Variants in NRXN1 observed in about 807,000 individuals in gnomAD.
NRXN1 encodes the protein neurexin 1.
In NRXN1, 39 loss-of-function variants were observed where a neutral mutation model predicts 150.9. That is an observed-to-expected ratio of 0.26 (90% CI 0.20 to 0.34). NRXN1 has a LOEUF of 0.34. NRXN1 is among the 10% of genes least tolerant of loss of function. NRXN1 has a pLI of 1.00. For missense variants in NRXN1, 1,815 were observed against 1,949.9 expected, an observed-to-expected ratio of 0.93 and a Z score of 1.30; for synonymous variants, 924 against 757.0, an observed-to-expected ratio of 1.22 and a Z score of -3.62.
At chr2:50,713,037 G>A (rs1182639114) in intron 5 of NRXN1, among the ~76,000 whole-genome samples, 1 of 152,152 alleles carries the variant, frequency 6.6e-6, no homozygotes, top group Non-Finnish European at 1.5e-5. Flanking sequence ...AAATAGCTGA[G>A]TGTATTGGCT....
chr2:50,196,752 T>C (rs1424737433), intron 18 of NRXN1, among the ~76,000 whole-genome samples: 5 of 152,200 alleles, frequency 3.3e-5, no homozygotes, highest in African/African-American at 1.2e-4. Context: ...ATCATGTCTT[T>C]TGCAGGAATA....
At chr2:50,160,778 A>T (rs755755288) in intron 18 of NRXN1, among the ~76,000 whole-genome samples, 2 of 152,186 alleles carry the variant, frequency 1.3e-5, no homozygotes, top group Non-Finnish European at 2.9e-5. Flanking sequence ...CATTTGTTGC[A>T]ATAAAATAAG....
intron 21 of NRXN1, among the ~76,000 whole-genome samples, chr2:49,998,180 T>G (rs748737837): frequency 1.3e-5 from 2 of 152,076 alleles, no homozygotes; most frequent in Non-Finnish European, 2.9e-5. Context: ...AATTAAAACT[T>G]TTACCTGCTC....
At chr2:50,875,104 G>C (rs1409771379) in intron 5 of NRXN1, among the ~76,000 whole-genome samples, 1 of 151,748 alleles carries the variant, frequency 6.6e-6, no homozygotes, top group Non-Finnish European at 1.5e-5. Context: ...AAATTCTCTA[G>C]TAGTATCAGA....
chr2:50,769,518 C>T (rs1702760125), intron 5 of NRXN1, among the ~76,000 whole-genome samples: 1 of 152,042 alleles, frequency 6.6e-6, no homozygotes, highest in Non-Finnish European at 1.5e-5. Flanking sequence ...AGCGAGAAAT[C>T]ACTTTTTCCT....
At chr2:50,087,178 T>C (rs1466834006) in intron 19 of NRXN1, among the ~76,000 whole-genome samples, 5 of 152,196 alleles carry the variant, frequency 3.3e-5, no homozygotes, top group African/African-American at 9.6e-5. Flanking sequence ...CCAAATATGA[T>C]ATGATAACTC....
intron 17 of NRXN1, among the ~76,000 whole-genome samples, chr2:50,402,007 C>T (rs2082421530): frequency 6.6e-6 from 1 of 152,074 alleles, no homozygotes; most frequent in East Asian, 1.9e-4. Context: ...AGGTTTGATA[C>T]AAGAAGTTGC....
intron 17 of NRXN1, among the ~76,000 whole-genome samples, chr2:50,320,681 T>C (rs541270111): frequency 1.3e-5 from 2 of 151,874 alleles, no homozygotes; most frequent in South Asian, 4.2e-4. Flanking sequence ...ATTTCTGGCA[T>C]TGGAAATCGA....
intron 5 of NRXN1, among the ~76,000 whole-genome samples, chr2:50,645,217 T>G (rs890141457): frequency 6.6e-6 from 1 of 151,962 alleles, no homozygotes; most frequent in African/African-American, 2.4e-5. Flanking sequence ...GATTTTGATG[T>G]TGAAAATCAT....
chr2:51,019,136 A>G (rs1669197353), intron 2 of NRXN1, among the ~76,000 whole-genome samples: 1 of 152,102 alleles, frequency 6.6e-6, no homozygotes. Flanking sequence ...TCCCTTTGAT[A>G]AGCGAAATAT....
At chr2:50,020,955 A>AT (rs1323722819) in intron 21 of NRXN1, among the ~76,000 whole-genome samples, 1 of 152,158 alleles carries the variant, frequency 6.6e-6, no homozygotes, top group Non-Finnish European at 1.5e-5. Flanking sequence ...TCAGAAAAGA[A>AT]TTTTTCTCAT....
chr2:50,206,262 C>G (rs965927995), intron 18 of NRXN1, among the ~76,000 whole-genome samples: 2 of 141,222 alleles, frequency 1.4e-5, no homozygotes, highest in African/African-American at 5.3e-5. Flanking sequence ...CACACACACA[C>G]AACAATTTTT....
At chr2:50,656,946 G>A (rs1353283820) in intron 5 of NRXN1, among the ~76,000 whole-genome samples, 1 of 151,932 alleles carries the variant, frequency 6.6e-6, no homozygotes. Flanking sequence ...TAATAACTCA[G>A]AAATAAACAC....
At chr2:50,596,419 C>T (rs760724740) in intron 8 of NRXN1, among the ~76,000 whole-genome samples, 1 of 152,140 alleles carries the variant, frequency 6.6e-6, no homozygotes, top group Non-Finnish European at 1.5e-5. Flanking sequence ...TGATGTACAC[C>T]ATTTCAAAAT....
intron 19 of NRXN1, among the ~76,000 whole-genome samples, chr2:50,063,547 G>GACACACACACAC (rs3046664): frequency 0.017 from 2,344 of 137,552 alleles, 68 homozygotes; most frequent in African/African-American, 0.059. Flanking sequence ...CACCTCAACA[G>GACACACACACAC]ACACACACAC....
intron 5 of NRXN1, among the ~76,000 whole-genome samples, chr2:50,731,875 G>A (rs562621173): frequency 6.6e-5 from 10 of 152,196 alleles, no homozygotes; most frequent in Non-Finnish European, 8.8e-5. Flanking sequence ...CCTTGTTTTC[G>A]TTTGGCTGTT....
At chr2:50,399,455 T>A (rs1272531655) in intron 17 of NRXN1, among the ~76,000 whole-genome samples, 2 of 152,092 alleles carry the variant, frequency 1.3e-5, no homozygotes, top group Non-Finnish European at 2.9e-5. Context: ...ATGCCTTTGA[T>A]TACCACAGTT....
intron 5 of NRXN1, among the ~76,000 whole-genome samples, chr2:50,836,992 G>A (rs1672210906): frequency 6.6e-6 from 1 of 151,952 alleles, no homozygotes; most frequent in South Asian, 2.1e-4. Context: ...ATATGGTCAT[G>A]TCTGGGTTTT....
Position 50,497,708 on chromosome 2 carries a change from A to T in NRXN1, c.2504T>A (p.Met835Lys). Reference protein sequence around the residue: ...VDDQQAMTGQMAGDHTRLEFH... With the variant: ...VDDQQAMTGQKAGDHTRLEFH... ...CTCCAGCCTAGTATGATCACCTGCC[A>T]TTTGACCTAAAAGAGAAGATAATAT... Residue 835 changes from methionine (M) to lysine (K), a missense_variant, in exon 14 of 23, where the codon ATG becomes AAG. Physicochemically the swap from Met to Lys is moderately conservative, Grantham distance 95. This residue lies in a region of NRXN1 where 638 missense variants were observed against 652.6 expected (regional missense o/e 0.98). Transcript: ENST00000401669. 6.2e-7 allele frequency: 1 copy of T among 1,607,476 alleles called. No homozygotes were observed. Among genetic ancestry groups the T allele is most frequent in the Non-Finnish European group, 8.5e-7 (1 of 1,175,762 alleles).
Sources: allele counts gnomAD v4.1 joint callset (sites outside exome capture counted in the v4.1 genomes callset), GRCh38; gene constraint gnomAD v4.1.1; regional missense constraint gnomAD v4.1.1; transcripts MANE v1.5; gene names NCBI Gene and HGNC (gene_info 2026-07-23, HGNC 2026-07-21).